The following TERF2 variants were observed in gnomAD, a reference collection of about 807,000 sequenced individuals.
TERF2 encodes the protein telomeric repeat-binding factor 2.
A neutral mutation model predicts 56.1 loss-of-function variants in TERF2; 16 were observed. The ratio of observed to expected loss-of-function variants is 0.29; its 90% CI spans 0.19 to 0.43. The LOEUF (loss-of-function observed/expected upper bound fraction) is 0.43, where lower values mean the gene tolerates loss of function less well. Among genes scored for constraint, TERF2 ranks in the 20% least tolerant of loss-of-function variants. TERF2 has a pLI of 1.00. For missense variants in TERF2, 547 were observed against 712.9 expected (o/e 0.77, Z 2.65); for synonymous variants, 296 against 282.1 (o/e 1.05, Z -0.50).
intron 1 of TERF2, 41 bp downstream of exon 1, chr16:69,385,550 CTT>C: frequency 6.4e-7 from 1 of 1,556,634 alleles, no homozygotes; most frequent in Non-Finnish European, 8.8e-7. Context: ...CCCGGACCCC[CTT>C]CCCCGGCGCT....
At chr16:69,382,424 G>A (rs1597262222) in intron 3 of TERF2, among the ~76,000 whole-genome samples, 1 of 152,332 alleles carries the variant, frequency 6.6e-6, no homozygotes, top group South Asian at 2.1e-4. Flanking sequence ...TTAACAACTA[G>A]GAGATCAAGG....
At chr16:69,369,145 A>C (rs2013471577) in intron 5 of TERF2, among the ~76,000 whole-genome samples, 1 of 75,838 alleles carries the variant, frequency 1.3e-5, no homozygotes, top group African/African-American at 7.0e-5. Context: ...GATAGTTTCC[A>C]GTTACCTGGA....
chr16:69,368,912 G>A lies in TERF2; in HGVS notation c.841-430C>T, dbSNP rs556523207. Among the ~76,000 whole-genome samples the A allele has an allele frequency of 9.9e-5, 15 of 152,254 alleles. No individual in the cohort carries two copies. In the South Asian group the frequency reaches 3.1e-3, roughly 32 times the overall value. On this transcript the variant is annotated intron_variant, in intron 5 of 9. Coordinates refer to ENST00000254942, the MANE Select transcript of TERF2 (RefSeq NM_005652.5). ...GCTGGCCTCGAACTCCTGACCTCAA[G>A]TGATCTGCCCGCATCAGCCTCCCAT...
intron 3 of TERF2, among the ~76,000 whole-genome samples, chr16:69,377,457 A>G (rs983820908): frequency 6.6e-6 from 1 of 151,992 alleles, no homozygotes; most frequent in Non-Finnish European, 1.5e-5. Flanking sequence ...CCTCCCAAGT[A>G]GCTGGGACTA....
In TERF2 at chr16:69,361,442, T is replaced by C. The variant is rs747019484; in HGVS notation, c.1388A>G (p.Glu463Gly). 1.9e-6 allele frequency: 3 copies of C among 1,614,046 alleles called. No homozygotes were observed. Among genetic ancestry groups the C allele is most frequent in the Non-Finnish European group, 2.5e-6 (3 of 1,179,942 alleles). ...CAGTTCATCCTCTTCCACCCAAGTC[T>C]CCTTTTCTTCAACCCCATTAGAGCT... ...WNSSNGVEEK[E>G]TWVEEDELFQ... Residue 463 changes from glutamate to glycine, a missense_variant, in exon 8 of 10, where the codon GAG (glutamate) becomes GGG (glycine). Around this residue, in one of 6 missense-constraint regions of TERF2, gnomAD observed 211 missense variants for 236.8 expected, o/e 0.89. Transcript: ENST00000254942.
chr16:69,371,500 CAAAAAA>C (rs778947462), intron 4 of TERF2, among the ~76,000 whole-genome samples: 1 of 42,052 alleles, frequency 2.4e-5, no homozygotes, highest in Admixed American at 2.7e-4. Context: ...GACTCCATCT[CAAAAAA>C]AAAAAAAAAA....
At chr16:69,368,971 C>G (rs1243304105) in intron 5 of TERF2, among the ~76,000 whole-genome samples, 1 of 151,946 alleles carries the variant, frequency 6.6e-6, no homozygotes, top group South Asian at 2.1e-4. Context: ...CCACCATGCC[C>G]GGCAATAAAT....
intron 3 of TERF2, among the ~76,000 whole-genome samples, chr16:69,375,689 A>G (rs752722232): frequency 2.0e-5 from 3 of 152,190 alleles, no homozygotes; most frequent in Non-Finnish European, 4.4e-5. Flanking sequence ...GGCCTCAAGC[A>G]ATCCTCCTAC....
chr16:69,368,707 T>TCGCCCAG lies in TERF2; in HGVS notation c.841-226_841-225insCTGGGCG. ...ATACATTTTTTTTGAGAGGGAGTCT[T>TCGCCCAG]GCTCTGTCGCCCAGGCTGCAGCACA... On this transcript the variant is annotated intron_variant, in intron 5 of 9. Coordinates refer to ENST00000254942, the MANE Select transcript of TERF2 (RefSeq NM_005652.5). 3 of 1,093,596 alleles carry TCGCCCAG rather than the reference T, an allele frequency of 2.7e-6. No individual in the cohort carries two copies. The East Asian group carries it at 1.1e-4, about 42-fold the overall frequency. The allele number at this position is 1,093,596 out of a possible 1,614,324, so 67.7% of individuals were successfully genotyped here. A position where few individuals can be genotyped will look rare whatever the true frequency, so the allele number is the denominator to read the frequency against.
intron 3 of TERF2, among the ~76,000 whole-genome samples, chr16:69,382,727 T>G (rs1232193455): frequency 1.3e-5 from 2 of 152,208 alleles, no homozygotes; most frequent in African/African-American, 4.8e-5. Flanking sequence ...AAGTGAGTCT[T>G]GTTAACAACT....
Position 69,366,965 on chromosome 16 carries a change from G to C in TERF2, c.1182C>G (p.Pro394=). The C allele has an allele frequency of 6.2e-7, 1 of 1,614,176 alleles. No homozygotes were observed. The highest frequency in any genetic ancestry group is 2.2e-5 in the East Asian group (1 of 44,874). ...ADGEGGSELQ[P]KNKRMTISRL... The stretch of plus-strand genomic sequence containing the variant: ...TGCTTATTGTCATGCGCTTGTTCTT[G>C]GGCTGCAGTTCCGAGCCACCCTCAC... Residue 394 remains proline, a synonymous_variant, in exon 7 of 10, where the codon CCC becomes CCG. Coordinates refer to ENST00000254942, the MANE Select transcript of TERF2 (RefSeq NM_005652.5).
chr16:69,357,025 T>G lies in TERF2; in HGVS notation c.1502A>C (p.Lys501Thr). 6.2e-7 allele frequency: 1 copy of G among 1,612,726 alleles called. No individual in the cohort carries two copies. The highest frequency in any genetic ancestry group is 8.5e-7 in the Non-Finnish European group (1 of 1,179,664). ...KWTVEESEWVKAGVQKYGEGN... is the reference protein window; with the variant it reads ...KWTVEESEWVTAGVQKYGEGN... ...TTCCCCATATTTCTGCACTCCAGCC[T>G]TGACCCACTCGCTTTCTTCTACAGT... The change falls in exon 10 of 10, where the codon AAG becomes ACG. Residue 501 changes from lysine (K) to threonine (T), a missense_variant. Lys to Thr is a moderately conservative substitution (Grantham distance 78). Around this residue, in one of 6 missense-constraint regions of TERF2, gnomAD observed 33 missense variants for 69.9 expected, o/e 0.47. Coordinates refer to ENST00000254942, the MANE Select transcript of TERF2 (RefSeq NM_005652.5).
rs139539282 is a variant in TERF2, at chr16:69,364,017, A to C, written c.1341-2528T>G. Among the ~76,000 whole-genome samples, 616 of 152,238 alleles carry C rather than the reference A, an allele frequency of 4.0e-3. 3 individuals are homozygous for C. Among genetic ancestry groups the C allele is most frequent in the African/African-American group, 0.014 (587 of 41,554 alleles). ...GAAAAAGAAAAAACAAGAAAAGAAT[A>C]TGGAACAGACAGACAACTCATGTGG... On this transcript the variant is annotated intron_variant, in intron 7 of 9. Transcript: ENST00000254942.
rs189785281 is a variant in TERF2, at chr16:69,356,296, G to T, written c.*602C>A. The T allele has an allele frequency of 3.8e-4, 159 of 417,350 alleles. No homozygotes were observed. The highest frequency in any genetic ancestry group is 3.0e-3 in the African/African-American group (144 of 48,032). 25.9% of individuals were successfully genotyped at this position (417,350 alleles called of 1,614,324 possible). On this transcript the variant is annotated 3_prime_UTR_variant, in exon 10 of 10. Coordinates refer to ENST00000254942, the MANE Select transcript of TERF2 (RefSeq NM_005652.5). ...GGAGAAGGTTCTACAGATTACCAGG[G>T]ATTTAAATTTAAGCAAACCACTAAA... is the stretch of plus-strand genomic sequence containing the variant.
Position 69,385,786 on chromosome 16 carries a change from G to A in TERF2, c.186C>T (p.Ser62=). ...GSGRAAGRRA[S]RSSGRARRGR... is the part of the protein sequence containing the mutation. ...CCCGCCGGGCCCGCCCGCTACTGCG[G>A]GACGCCCGCCTGCCAGCTGCCCGCC... Residue 62 remains serine (S), a synonymous_variant, in exon 1 of 10, where the codon TCC becomes TCT. Transcript: ENST00000254942. The A allele has an allele frequency of 7.7e-7, 1 of 1,298,076 alleles. No individual in the cohort carries two copies. The highest frequency in any genetic ancestry group is 9.8e-7 in the Non-Finnish European group (1 of 1,024,670). The allele number at this position is 1,298,076 out of a possible 1,614,324, so 80.4% of individuals were successfully genotyped here.
At chr16:69,360,819 T>C (rs528736483) in intron 8 of TERF2, among the ~76,000 whole-genome samples, 21 of 152,198 alleles carry the variant, frequency 1.4e-4, no homozygotes, top group African/African-American at 5.1e-4. Flanking sequence ...TGAAGGATTT[T>C]AGGAAGAACA....
chr16:69,361,780 G>C (rs1350749754), intron 7 of TERF2, among the ~76,000 whole-genome samples: 3 of 151,494 alleles, frequency 2.0e-5, no homozygotes, highest in Non-Finnish European at 4.4e-5. Flanking sequence ...TGCTTGTTTG[G>C]TTTTGACTCT....
intron 6 of TERF2, among the ~76,000 whole-genome samples, chr16:69,367,914 G>A (rs2013411099): frequency 6.6e-6 from 1 of 152,188 alleles, no homozygotes; most frequent in African/African-American, 2.4e-5. Context: ...ACAAGAAGCT[G>A]AAAAGCACAT....
At position 69,385,735 on chromosome 16, in the gene TERF2, G is replaced by GC; in HGVS notation, c.236dup (p.Ala81GlyfsTer33). On this transcript the variant is annotated frameshift_variant, in exon 1 of 10. Transcript: ENST00000254942. LOFTEE classifies it high-confidence loss of function. The stretch of plus-strand genomic sequence containing the variant: ...CCTCCCCCGCGCCGCGCTCCGCCGG[G>GC]CCCCCCAGCCCCGGCTCGTGGCGCC... 1 of 1,511,510 alleles carries GC rather than the reference G, an allele frequency of 6.6e-7. No individual in the cohort carries two copies. The highest frequency in any genetic ancestry group is 8.8e-7 in the Non-Finnish European group (1 of 1,134,846). 93.6% of individuals were successfully genotyped at this position (1,511,510 alleles called of 1,614,324 possible). A position where few individuals can be genotyped will look rare whatever the true frequency, so the allele number is the denominator to read the frequency against.
Sources: gnomAD v4.1 joint callset for allele counts (sites outside exome capture counted in the v4.1 genomes callset) on GRCh38, gnomAD v4.1.1 for gene constraint, gnomAD v4.1.1 regional missense constraint, MANE v1.5 for transcripts, NCBI Gene and HGNC (gene_info 2026-07-23, HGNC 2026-07-21) for gene names.